KCNIP4: variants seen among roughly 807,000 people sequenced by gnomAD.
The protein encoded by KCNIP4 is potassium voltage-gated channel interacting protein 4.
Under a neutral mutation model 34.0 loss-of-function variants are expected in KCNIP4, and 12 were observed. That is an observed-to-expected ratio of 0.35 (90% confidence interval 0.23 to 0.57). The LOEUF (loss-of-function observed/expected upper bound fraction) is 0.57, where lower values mean the gene tolerates loss of function less well. Ranked by LOEUF, KCNIP4 falls within the 20% of genes least tolerant of loss-of-function variation. The pLI is 0.83. For synonymous variants in KCNIP4, 124 were observed against 102.2 expected (o/e 1.21, Z -1.29); for missense variants, 238 against 311.7 (o/e 0.76, Z 1.78).
intron 1 of KCNIP4, among the ~76,000 whole-genome samples, chr4:21,485,691 G>A (rs2109846435): frequency 6.6e-6 from 1 of 152,264 alleles, no homozygotes; most frequent in South Asian, 2.1e-4. Context: ...GATCCTTGCT[G>A]AAAACTTCTA....
At chr4:20,834,728 G>A (rs1268016935) in intron 3 of KCNIP4, among the ~76,000 whole-genome samples, 1 of 152,140 alleles carries the variant, frequency 6.6e-6, no homozygotes, top group East Asian at 1.9e-4. Flanking sequence ...AAGAAGGGAA[G>A]GTCACCCAAA....
chr4:20,756,491 A>G (rs1159806025), intron 4 of KCNIP4, among the ~76,000 whole-genome samples: 4 of 152,178 alleles, frequency 2.6e-5, no homozygotes, highest in Admixed American at 6.5e-5. Context: ...ACATTAAAAG[A>G]TAAAGTCTTC....
chr4:21,311,595 G>A (rs560453178), intron 1 of KCNIP4, among the ~76,000 whole-genome samples: 13 of 152,016 alleles, frequency 8.6e-5, no homozygotes, highest in South Asian at 8.3e-4. Flanking sequence ...AGGCTGAGGC[G>A]GGAGAATCGC....
At chr4:21,541,180 C>CAAAAAAA (rs60459395) in intron 1 of KCNIP4, among the ~76,000 whole-genome samples, 15 of 107,482 alleles carry the variant, frequency 1.4e-4, no homozygotes, top group Admixed American at 3.3e-4. Flanking sequence ...CAAAAGAAAA[C>CAAAAAAA]AAAAAAAAAA....
chr4:20,751,090 G>A (rs1011134979), intron 4 of KCNIP4, among the ~76,000 whole-genome samples: 1 of 152,138 alleles, frequency 6.6e-6, no homozygotes, highest in African/African-American at 2.4e-5. Flanking sequence ...CACTACTGAA[G>A]GCTATACATT....
At chr4:20,822,646 G>T (rs902421544) in intron 3 of KCNIP4, among the ~76,000 whole-genome samples, 1 of 152,114 alleles carries the variant, frequency 6.6e-6, no homozygotes, top group African/African-American at 2.4e-5. Context: ...GTTGTCGCTG[G>T]AACAAGTTAC....
intron 1 of KCNIP4, among the ~76,000 whole-genome samples, chr4:21,322,812 A>C (rs1714641536): frequency 6.6e-6 from 1 of 152,122 alleles, no homozygotes; most frequent in South Asian, 2.1e-4. Flanking sequence ...GTGTCAAAGA[A>C]GTTAAGTAAT....
chr4:21,344,980 C>T (rs1436226615), intron 1 of KCNIP4, among the ~76,000 whole-genome samples: 1 of 152,108 alleles, frequency 6.6e-6, no homozygotes, highest in African/African-American at 2.4e-5. Flanking sequence ...AAAGATACAT[C>T]CATACTGTTT....
chr4:21,580,425 C>T (rs984906527), intron 1 of KCNIP4, among the ~76,000 whole-genome samples: 2 of 151,952 alleles, frequency 1.3e-5, no homozygotes, highest in African/African-American at 2.4e-5. Context: ...AAGTTTTGCT[C>T]AAGATATTTA....
At chr4:21,264,150 A>G (rs996912146) in intron 1 of KCNIP4, among the ~76,000 whole-genome samples, 3 of 152,206 alleles carry the variant, frequency 2.0e-5, no homozygotes, top group Non-Finnish European at 4.4e-5. Flanking sequence ...TACACATCCC[A>G]ATTTCTACCA....
rs1355816836 is a variant in KCNIP4, at chr4:21,234,561, C to T, written c.62-351852G>A. Reference sequence around the variant, plus strand: ...CGTATATAATATATATTACATATAACGTATATAATATATATTACATATAAC... The same window carrying T: ...CGTATATAATATATATTACATATAATGTATATAATATATATTACATATAAC... On this transcript the variant is annotated intron_variant, in intron 1 of 8. Coordinates refer to ENST00000382152, the MANE Select transcript of KCNIP4 (RefSeq NM_025221.6). Among the ~76,000 whole-genome samples the T allele has an allele frequency of 2.4e-4, 30 of 126,226 alleles. 1 individual carries two copies. Among genetic ancestry groups the T allele is most frequent in the East Asian group, 1.1e-3 (5 of 4,500 alleles). The allele number at this position is 126,226 out of a possible 152,430, so 82.8% of individuals were successfully genotyped here.
intron 1 of KCNIP4, among the ~76,000 whole-genome samples, chr4:21,275,388 A>T (rs1414438080): frequency 6.6e-6 from 1 of 152,214 alleles, no homozygotes; most frequent in Non-Finnish European, 1.5e-5. Flanking sequence ...GATCACATGG[A>T]TTAATAGGTC....
At chr4:21,331,582 T>G (rs1051051169) in intron 1 of KCNIP4, among the ~76,000 whole-genome samples, 9 of 152,116 alleles carry the variant, frequency 5.9e-5, no homozygotes, top group African/African-American at 2.2e-4. Flanking sequence ...GTTTGCTCAT[T>G]CATTCAACAG....
intron 2 of KCNIP4, among the ~76,000 whole-genome samples, chr4:20,875,932 A>G (rs1723973162): frequency 6.6e-6 from 1 of 152,204 alleles, no homozygotes; most frequent in Admixed American, 6.5e-5. Context: ...AAAACCTGAA[A>G]CACAGTTAGG....
intron 1 of KCNIP4, among the ~76,000 whole-genome samples, chr4:21,367,602 T>C (rs1049043197): frequency 5.4e-5 from 8 of 147,448 alleles, no homozygotes; most frequent in African/African-American, 2.2e-4. Flanking sequence ...AGTATGTTCA[T>C]CATTCCAGTG....
rs554844901 is a variant in KCNIP4, at chr4:21,060,734, TGAA to T, written c.62-178028_62-178026del. On this transcript the variant is annotated intron_variant, in intron 1 of 8. Transcript: ENST00000382152. Reference sequence around the variant, plus strand: ...GCATCTAGCTAAGTACTCAGAGTCCTGAAGAGATTGCTGAAGCAATAGCTGGGA... The same window carrying T: ...GCATCTAGCTAAGTACTCAGAGTCCTGAGATTGCTGAAGCAATAGCTGGGA... Among the ~76,000 whole-genome samples the T allele has an allele frequency of 1.9e-3, 285 of 152,314 alleles. 1 individual carries two copies. Among genetic ancestry groups the T allele is most frequent in the African/African-American group, 6.6e-3 (276 of 41,588 alleles).
At chr4:21,254,313 C>T (rs1320452514) in intron 1 of KCNIP4, among the ~76,000 whole-genome samples, 3 of 152,074 alleles carry the variant, frequency 2.0e-5, no homozygotes, top group African/African-American at 7.2e-5. Context: ...CCTTCAATCA[C>T]CAGTGCATTT....
At chr4:21,581,892 A>G (rs570764691) in intron 1 of KCNIP4, among the ~76,000 whole-genome samples, 6 of 151,968 alleles carry the variant, frequency 3.9e-5, no homozygotes, top group African/African-American at 1.2e-4. Flanking sequence ...TGATCCATTA[A>G]TGGGTCATGA....
At chr4:21,470,486 G>A (rs1002976906) in intron 1 of KCNIP4, among the ~76,000 whole-genome samples, 1 of 152,148 alleles carries the variant, frequency 6.6e-6, no homozygotes, top group African/African-American at 2.4e-5. Context: ...TGAACTTCAG[G>A]AAAAATAGAT....
Sources: allele counts gnomAD v4.1 joint callset (sites outside exome capture counted in the v4.1 genomes callset), GRCh38; gene constraint gnomAD v4.1.1; transcripts MANE v1.5; gene names NCBI Gene and HGNC (gene_info 2026-07-23, HGNC 2026-07-21).